The following ZMIZ1 variants were observed in gnomAD, a reference collection of about 807,000 sequenced individuals.
ZMIZ1 encodes the protein zinc finger MIZ-type containing 1.
A neutral mutation model predicts 113.9 loss-of-function variants in ZMIZ1; 17 were observed. The ratio of observed to expected loss-of-function variants is 0.15; its 90% CI spans 0.10 to 0.22. The LOEUF is 0.22. Ranked by LOEUF, ZMIZ1 falls within the 10% of genes least tolerant of loss-of-function variation. The pLI is 1.00. For missense variants in ZMIZ1, 1,059 were observed against 1,477.8 expected (o/e 0.72, Z 4.65); for synonymous variants, 607 against 603.1 (o/e 1.01, Z -0.09).
intron 7 of ZMIZ1, among the ~76,000 whole-genome samples, chr10:79,268,321 T>A (rs914857962): frequency 4.6e-5 from 7 of 152,228 alleles, no homozygotes; most frequent in African/African-American, 1.7e-4. Context: ...TAGGTTTTAT[T>A]TGAGGACAGC....
At chr10:79,145,043 C>T (rs1845425182) in intron 3 of ZMIZ1, among the ~76,000 whole-genome samples, 1 of 151,962 alleles carries the variant, frequency 6.6e-6, no homozygotes, top group Non-Finnish European at 1.5e-5. Context: ...CCAGCTGCAC[C>T]TTCTTCCCCT....
At chr10:79,132,611 C>A (rs942266797) in intron 2 of ZMIZ1, among the ~76,000 whole-genome samples, 1 of 152,244 alleles carries the variant, frequency 6.6e-6, no homozygotes, top group Non-Finnish European at 1.5e-5. Flanking sequence ...CTAATTCAAG[C>A]CTTTGTTTTG....
intron 1 of ZMIZ1, among the ~76,000 whole-genome samples, chr10:79,070,190 C>A (rs1293223506): frequency 2.6e-5 from 4 of 151,952 alleles, no homozygotes; most frequent in East Asian, 3.9e-4. Flanking sequence ...ACATTCCTGG[C>A]GTCTGGGCTG....
chr10:79,112,302 C>G lies in ZMIZ1; in HGVS notation c.-336-6613C>G, dbSNP rs182649586. Among the ~76,000 whole-genome samples, 17 of 152,260 alleles carry G rather than the reference C, an allele frequency of 1.1e-4. No individual in the cohort carries two copies. The East Asian group carries it at 2.9e-3, about 26-fold the overall frequency. ...TGCCAGGTCGGACCCACGCTCTGCA[C>G]GGGTCCTGCACCTGTGTGGAGGCTG... On this transcript the variant is annotated intron_variant, in intron 1 of 24. Coordinates refer to ENST00000334512, the MANE Select transcript of ZMIZ1 (RefSeq NM_020338.4).
At chr10:79,210,912 C>T (rs185269723) in intron 6 of ZMIZ1, among the ~76,000 whole-genome samples, 9 of 152,270 alleles carry the variant, frequency 5.9e-5, no homozygotes, top group African/African-American at 1.7e-4. Context: ...TGAGATCTGG[C>T]TGGACAGAGA....
intron 7 of ZMIZ1, among the ~76,000 whole-genome samples, chr10:79,274,782 G>A (rs1376079027): frequency 6.6e-6 from 1 of 152,232 alleles, no homozygotes; most frequent in Non-Finnish European, 1.5e-5. Context: ...GCCCTGTCAC[G>A]CAGCCAGCCT....
chr10:79,146,731 C>T lies in ZMIZ1; in HGVS notation c.-131+6954C>T, dbSNP rs1432472575. On this transcript the variant is annotated intron_variant, in intron 3 of 24. Coordinates refer to ENST00000334512, the MANE Select transcript of ZMIZ1 (RefSeq NM_020338.4). Reference sequence around the variant, plus strand: ...AGGCAGGGCTGGGGCTGGGCGGGTGCTCTGCCCCCTCCCTCTGCTCCCGCT... The same window carrying T: ...AGGCAGGGCTGGGGCTGGGCGGGTGTTCTGCCCCCTCCCTCTGCTCCCGCT... Among the ~76,000 whole-genome samples the T allele has an allele frequency of 2.6e-5, 4 of 152,294 alleles. No homozygotes were observed. The East Asian group carries it at 5.8e-4, about 22-fold the overall frequency.
intron 3 of ZMIZ1, among the ~76,000 whole-genome samples, chr10:79,148,930 C>T (rs1347649806): frequency 6.6e-6 from 1 of 152,256 alleles, no homozygotes; most frequent in Non-Finnish European, 1.5e-5. Flanking sequence ...GTACGTGGCC[C>T]CGCCAGGGCC....
chr10:79,312,403 C>T (rs1186435570), intron 24 of ZMIZ1, among the ~76,000 whole-genome samples: 1 of 152,272 alleles, frequency 6.6e-6, no homozygotes, highest in Non-Finnish European at 1.5e-5. Context: ...TGGTGGGCTG[C>T]GGGTCCCAAT....
chr10:79,256,054 C>G (rs1049929300), intron 7 of ZMIZ1, among the ~76,000 whole-genome samples: 3 of 152,150 alleles, frequency 2.0e-5, no homozygotes, highest in South Asian at 2.1e-4. Context: ...CCCCCAGGGC[C>G]CCTTCCTTGG....
chr10:79,152,164 GGATT>G (rs1845740787), intron 3 of ZMIZ1, among the ~76,000 whole-genome samples: 1 of 152,184 alleles, frequency 6.6e-6, no homozygotes, highest in Non-Finnish European at 1.5e-5. Context: ...GCTGGCCAAG[GGATT>G]TCAGCCATGG....
At chr10:79,219,072 A>G (rs764859288) in intron 7 of ZMIZ1, among the ~76,000 whole-genome samples, 56 of 152,058 alleles carry the variant, frequency 3.7e-4, no homozygotes, top group Non-Finnish European at 6.3e-4. Flanking sequence ...GCCTGGATGT[A>G]GGTGGCCAGT....
Position 79,220,055 on chromosome 10 carries a change from T to C in ZMIZ1, c.280+3781T>C, listed in dbSNP as rs143483516. 4.6e-5 allele frequency among the ~76,000 whole-genome samples: 7 copies of C among 152,184 alleles called. No homozygotes were observed. The East Asian group carries it at 1.2e-3, about 25-fold the overall frequency. ...TGGGCCATAAGAGGGGTGGAGGCCATGGGGAGCAGAGCTGGGACCCCAAGT... is the reference window on the plus strand; with the variant it reads ...TGGGCCATAAGAGGGGTGGAGGCCACGGGGAGCAGAGCTGGGACCCCAAGT... On this transcript the variant is annotated intron_variant, in intron 7 of 24. Coordinates refer to ENST00000334512, the MANE Select transcript of ZMIZ1 (RefSeq NM_020338.4).
intron 7 of ZMIZ1, among the ~76,000 whole-genome samples, chr10:79,253,931 C>T (rs970856587): frequency 2.0e-5 from 3 of 152,218 alleles, no homozygotes; most frequent in African/African-American, 7.2e-5. Flanking sequence ...CATGCACACA[C>T]TCACTCATAG....
chr10:79,183,680 G>C (rs1847228223), intron 4 of ZMIZ1, among the ~76,000 whole-genome samples: 1 of 152,238 alleles, frequency 6.6e-6, no homozygotes, highest in Non-Finnish European at 1.5e-5. Flanking sequence ...TTTCAATGCT[G>C]TGTCTCAGTT....
rs201135308 is a variant in ZMIZ1, at chr10:79,302,119, G to A, written c.2032G>A (p.Val678Met). 22 of 1,613,830 alleles carry A rather than the reference G, an allele frequency of 1.4e-5. No individual in the cohort carries two copies. Among genetic ancestry groups the A allele is most frequent in the Non-Finnish European group, 1.8e-5 (21 of 1,180,018 alleles). ...VTACCCSHLF[V>M]LQLVHRPSVR... ...TCTCTCCCCGCAGTCCCACCTCTTC[G>A]TGCTGCAGCTGGTACACCGGCCCTC... is the stretch of plus-strand genomic sequence containing the variant. The change falls in exon 18 of 25, where the codon GTG (valine) becomes ATG (methionine). Residue 678 changes from valine to methionine, a missense_variant. Physicochemically the swap from Val to Met is conservative, Grantham distance 21. This residue lies in a region of ZMIZ1 where 217 missense variants were observed against 426.9 expected (regional missense o/e 0.51). Coordinates refer to ENST00000334512, the MANE Select transcript of ZMIZ1 (RefSeq NM_020338.4).
intron 3 of ZMIZ1, among the ~76,000 whole-genome samples, chr10:79,150,230 G>A (rs1231039469): frequency 6.6e-6 from 1 of 152,168 alleles, no homozygotes; most frequent in African/African-American, 2.4e-5. Context: ...CCAACAGGAA[G>A]CCCTGCCCAG....
intron 7 of ZMIZ1, among the ~76,000 whole-genome samples, chr10:79,269,611 A>T (rs978736746): frequency 2.6e-5 from 4 of 152,024 alleles, no homozygotes; most frequent in African/African-American, 9.7e-5. Flanking sequence ...CCGCCCAGCC[A>T]TACATCCAGG....
At chr10:79,205,260 A>C (rs888348784) in intron 5 of ZMIZ1, among the ~76,000 whole-genome samples, 1 of 152,202 alleles carries the variant, frequency 6.6e-6, no homozygotes, top group African/African-American at 2.4e-5. Context: ...ATGTGCTCCC[A>C]TCCCCAGCCC....
Sources: gnomAD v4.1 joint callset for allele counts (sites outside exome capture counted in the v4.1 genomes callset) on GRCh38, gnomAD v4.1.1 for gene constraint, gnomAD v4.1.1 regional missense constraint, MANE v1.5 for transcripts, NCBI Gene and HGNC (gene_info 2026-07-23, HGNC 2026-07-21) for gene names.